Variants in ANXA8 observed in about 807,000 individuals in gnomAD.
ANXA8 encodes VAC-beta.
A neutral mutation model predicts 26.8 loss-of-function variants in ANXA8; 9 were observed. That is an observed-to-expected ratio of 0.34 (90% CI 0.20 to 0.59). The LOEUF (loss-of-function observed/expected upper bound fraction) is 0.59, where lower values mean the gene tolerates loss of function less well. Ranked by LOEUF, ANXA8 falls within the 20% of genes least tolerant of loss-of-function variation. The pLI, the probability that ANXA8 is intolerant of heterozygous loss-of-function variation, is 0.84. For missense variants in ANXA8, 83 were observed against 238.5 expected, an observed-to-expected ratio of 0.35 and a Z score of 4.29; for synonymous variants, 39 against 94.8, an observed-to-expected ratio of 0.41 and a Z score of 3.42.
At chr10:47,504,857 T>C in the ANXA8 span, among the ~76,000 whole-genome samples, 1 of 122,560 alleles carries the variant, frequency 8.2e-6, no homozygotes, top group Non-Finnish European at 1.7e-5. Context: ...TTTTTTTTTT[T>C]TTTTTTTTTT....
the ANXA8 span, among the ~76,000 whole-genome samples, chr10:47,580,760 A>C: frequency 4.0e-5 from 6 of 149,022 alleles, no homozygotes; most frequent in East Asian, 1.9e-4. Context: ...AAACAAAAAA[A>C]AAAAACAAAA....
chr10:47,655,500 G>A, the ANXA8 span, among the ~76,000 whole-genome samples: 2 of 150,068 alleles, frequency 1.3e-5, no homozygotes, highest in Non-Finnish European at 3.0e-5. Context: ...AGTGTTTGAA[G>A]TGATGGGCCA....
the ANXA8 span, among the ~76,000 whole-genome samples, chr10:47,663,190 GA>G: frequency 3.4e-5 from 5 of 146,804 alleles, no homozygotes; most frequent in Admixed American, 1.3e-4. Flanking sequence ...TCAAAAAAAA[GA>G]AAAAAGTCTA....
chr10:47,567,507 A>C, the ANXA8 span, among the ~76,000 whole-genome samples: 5 of 147,014 alleles, frequency 3.4e-5, no homozygotes, highest in African/African-American at 1.3e-4. Flanking sequence ...CGCCCGCCCC[A>C]CCCCAGCCAG....
the ANXA8 span, among the ~76,000 whole-genome samples, chr10:47,660,267 G>A: frequency 6.5e-4 from 96 of 148,544 alleles, 1 homozygote; most frequent in African/African-American, 2.1e-3. Flanking sequence ...TTGAGAGCCT[G>A]CTCTACTCAA....
the ANXA8 span, among the ~76,000 whole-genome samples, chr10:47,606,068 T>A: frequency 6.8e-6 from 1 of 146,998 alleles, no homozygotes; most frequent in East Asian, 2.0e-4. Flanking sequence ...AAACCACACT[T>A]TAAGCAAGAA....
chr10:47,922,206 C>T, the ANXA8 span: 1 of 517,410 alleles, frequency 1.9e-6, no homozygotes, highest in Admixed American at 4.5e-5. Flanking sequence ...AGGAGAAAGC[C>T]AACGTGACCA....
At chr10:47,606,312 CA>C in the ANXA8 span, among the ~76,000 whole-genome samples, 23 of 149,498 alleles carry the variant, frequency 1.5e-4, 1 homozygote, top group African/African-American at 5.9e-4. Flanking sequence ...GAACATAAAC[CA>C]CACTTTAAGC....
chr10:47,680,541 G>A, the ANXA8 span, among the ~76,000 whole-genome samples: 5 of 151,650 alleles, frequency 3.3e-5, no homozygotes, highest in Non-Finnish European at 7.4e-5. Flanking sequence ...AGACTGAGGC[G>A]GGAGAATTGC....
At chr10:47,657,337 T>C in the ANXA8 span, among the ~76,000 whole-genome samples, 1 of 151,768 alleles carries the variant, frequency 6.6e-6, no homozygotes, top group Non-Finnish European at 1.5e-5. Flanking sequence ...CAGTTTATTG[T>C]AAAATTTTAA....
At chr10:47,975,814 T>G in the ANXA8 span, among the ~76,000 whole-genome samples, 15 of 140,148 alleles carry the variant, frequency 1.1e-4, no homozygotes, top group Admixed American at 9.3e-4. Context: ...TGTTTTAAAT[T>G]GCAAGTGATA....
the ANXA8 span, among the ~76,000 whole-genome samples, chr10:47,545,061 TTTTG>T: frequency 0.032 from 636 of 19,730 alleles, 10 homozygotes; most frequent in African/African-American, 0.084. Context: ...TCTTCAGTCT[TTTTG>T]TTTGTTTGTT....
At chr10:47,626,346 G>A in the ANXA8 span, among the ~76,000 whole-genome samples, 2 of 150,336 alleles carry the variant, frequency 1.3e-5, no homozygotes, top group Non-Finnish European at 2.9e-5. Context: ...TGACAAGAAA[G>A]ACTGTGAAAA....
chr10:47,652,553 C>T, the ANXA8 span, among the ~76,000 whole-genome samples: 1 of 150,740 alleles, frequency 6.6e-6, no homozygotes, highest in African/African-American at 2.5e-5. Context: ...GCCAAGGTCA[C>T]ACCACTGCCC....
chr10:47,671,874 T>C, the ANXA8 span, among the ~76,000 whole-genome samples: 1 of 151,686 alleles, frequency 6.6e-6, no homozygotes, highest in Non-Finnish European at 1.5e-5. Flanking sequence ...TTTGCTTCTT[T>C]TTTTTTTTAT....
the ANXA8 span, among the ~76,000 whole-genome samples, chr10:47,689,367 G>A: frequency 2.6e-5 from 4 of 151,724 alleles, no homozygotes; most frequent in Admixed American, 6.6e-5. Context: ...TAGTATAGAC[G>A]GCGTTTCACG....
chr10:47,649,561 A>G, the ANXA8 span, among the ~76,000 whole-genome samples: 106 of 151,226 alleles, frequency 7.0e-4, no homozygotes, highest in Non-Finnish European at 1.2e-3. Context: ...GGCACGCACC[A>G]CCACGCCCGG....
the ANXA8 span, chr10:47,491,516 C>T: frequency 9.1e-6 from 8 of 879,664 alleles, no homozygotes; most frequent in African/African-American, 5.8e-5. Context: ...CGCAGGTCCT[C>T]GCCTGCCTAC....
At chr10:47,684,777 G>T in the ANXA8 span, among the ~76,000 whole-genome samples, 185 of 150,690 alleles carry the variant, frequency 1.2e-3, 1 homozygote, top group East Asian at 0.032. Context: ...GTAGAGACGG[G>T]GTTTTACCAT....
Sources: allele counts gnomAD v4.1 joint callset (sites outside exome capture counted in the v4.1 genomes callset), GRCh38; gene constraint gnomAD v4.1.1; transcripts MANE v1.5; gene names NCBI Gene and HGNC (gene_info 2026-07-23, HGNC 2026-07-21).